Variants in SFRP1 observed in about 807,000 individuals in gnomAD.
The protein encoded by SFRP1 is secreted frizzled related protein 1.
Under a neutral mutation model 25.9 loss-of-function variants are expected in SFRP1, and 9 were observed. That is an observed-to-expected ratio of 0.35 (90% CI 0.21 to 0.61). SFRP1 has a LOEUF of 0.61. SFRP1 is among the 20% of genes least tolerant of loss of function. SFRP1 has a pLI of 0.78. For missense variants in SFRP1, 346 were observed against 418.2 expected, an observed-to-expected ratio of 0.83 and a Z score of 1.51; for synonymous variants, 178 against 174.0, an observed-to-expected ratio of 1.02 and a Z score of -0.18.
intron 1 of SFRP1, among the ~76,000 whole-genome samples, chr8:41,308,174 T>A (rs1434425575): frequency 2.6e-5 from 4 of 152,248 alleles, no homozygotes; most frequent in African/African-American, 9.6e-5. Flanking sequence ...CTTTCTGAAC[T>A]TTCTACGCTT....
At chr8:41,302,081 AAG>A (rs1803927702) in intron 2 of SFRP1, among the ~76,000 whole-genome samples, 2 of 152,238 alleles carry the variant, frequency 1.3e-5, no homozygotes, top group African/African-American at 4.8e-5. Flanking sequence ...TATTTAGAGG[AAG>A]AGTTCCACCC....
At chr8:41,300,379 C>T (rs567092951) in intron 2 of SFRP1, among the ~76,000 whole-genome samples, 1 of 152,268 alleles carries the variant, frequency 6.6e-6, no homozygotes, top group East Asian at 1.9e-4. Flanking sequence ...AAATCCTTTT[C>T]CATAGGGAGA....
chr8:41,303,794 G>C (rs1040807494), intron 1 of SFRP1, among the ~76,000 whole-genome samples: 15 of 152,300 alleles, frequency 9.8e-5, no homozygotes, highest in Admixed American at 2.6e-4. Flanking sequence ...ATAACCTGAG[G>C]CTGGGTGGGT....
chr8:41,293,188 A>T (rs926687133), intron 2 of SFRP1, among the ~76,000 whole-genome samples: 1 of 152,162 alleles, frequency 6.6e-6, no homozygotes, highest in Non-Finnish European at 1.5e-5. Context: ...CCACAACCAC[A>T]TGAGGGACCC....
At chr8:41,299,092 AC>A (rs1318843459) in intron 2 of SFRP1, among the ~76,000 whole-genome samples, 1 of 148,930 alleles carries the variant, frequency 6.7e-6, no homozygotes, top group Non-Finnish European at 1.5e-5. Context: ...TTCACCGCCT[AC>A]CCCCCCAACC....
chr8:41,302,415 C>CT (rs1803934330), intron 2 of SFRP1, among the ~76,000 whole-genome samples: 1 of 152,212 alleles, frequency 6.6e-6, no homozygotes, highest in South Asian at 2.1e-4. Context: ...CTTCCGTGTA[C>CT]TTTACCATGT....
At chr8:41,278,550 CCAGTAGAG>C (rs1388112062) in intron 2 of SFRP1, among the ~76,000 whole-genome samples, 1 of 152,212 alleles carries the variant, frequency 6.6e-6, no homozygotes, top group Non-Finnish European at 1.5e-5. Flanking sequence ...TCTTTGAAAT[CCAGTAGAG>C]AAGCCCAGAC....
chr8:41,297,705 G>A (rs766525627), intron 2 of SFRP1, among the ~76,000 whole-genome samples: 17 of 151,978 alleles, frequency 1.1e-4, no homozygotes, highest in Non-Finnish European at 1.8e-4. Context: ...TGGTCGCTTA[G>A]CTTATAGGGT....
In SFRP1 at chr8:41,265,111, G is replaced by C; in HGVS notation, c.*56C>G. On this transcript the variant is annotated 3_prime_UTR_variant, in exon 3 of 3. Coordinates refer to ENST00000220772, the MANE Select transcript of SFRP1 (RefSeq NM_003012.5). Reference sequence around the variant, plus strand: ...TGACCCACCGGGTTCCCGGGGCACTGTCCCCCCCGCTCCCACCCCACCCGA... The same window carrying C: ...TGACCCACCGGGTTCCCGGGGCACTCTCCCCCCCGCTCCCACCCCACCCGA... The C allele has an allele frequency of 1.7e-6, 1 of 590,118 alleles. No individual in the cohort carries two copies. The highest frequency in any genetic ancestry group is 1.8e-5 in the South Asian group (1 of 54,274). The allele number at this position is 590,118 out of a possible 1,614,324, so 36.6% of individuals were successfully genotyped here.
At chr8:41,282,699 T>C (rs1803651224) in intron 2 of SFRP1, among the ~76,000 whole-genome samples, 1 of 152,164 alleles carries the variant, frequency 6.6e-6, no homozygotes, top group African/African-American at 2.4e-5. Context: ...TTTTTTATTT[T>C]ATACAATGTG....
chr8:41,305,796 G>A (rs2117522575), intron 1 of SFRP1, among the ~76,000 whole-genome samples: 1 of 152,304 alleles, frequency 6.6e-6, no homozygotes, highest in Non-Finnish European at 1.5e-5. Context: ...ACACACACAA[G>A]TGCTTTCTCA....
chr8:41,306,758 C>A, intron 1 of SFRP1: 1 of 1,597,962 alleles, frequency 6.3e-7, no homozygotes, highest in Non-Finnish European at 8.5e-7. Context: ...TGAGTGAGGA[C>A]GGTTCCAAGC....
intron 2 of SFRP1, among the ~76,000 whole-genome samples, chr8:41,294,973 G>A (rs1360266683): frequency 6.6e-6 from 1 of 152,162 alleles, no homozygotes; most frequent in Non-Finnish European, 1.5e-5. Context: ...GAACCCCAAG[G>A]CTAGTGTGAT....
rs1169461095 is a variant in SFRP1, at chr8:41,263,355, A to G, written c.*1812T>C. Reference sequence around the variant, plus strand: ...ACGATGAAAGGTCAGAGAGAACCCCACAAAAAAGGTGTTAAAAGGACAGGA... The same window carrying G: ...ACGATGAAAGGTCAGAGAGAACCCCGCAAAAAAGGTGTTAAAAGGACAGGA... On this transcript the variant is annotated 3_prime_UTR_variant, in exon 3 of 3. Coordinates refer to ENST00000220772, the MANE Select transcript of SFRP1 (RefSeq NM_003012.5). 4.6e-5 allele frequency: 7 copies of G among 152,446 alleles called. No individual in the cohort carries two copies. Among genetic ancestry groups the G allele is most frequent in the Non-Finnish European group, 1.0e-4 (7 of 68,052 alleles). 9.4% of individuals were successfully genotyped at this position (152,446 alleles called of 1,614,324 possible).
chr8:41,280,620 C>A (rs147548075), intron 2 of SFRP1, among the ~76,000 whole-genome samples: 2 of 152,178 alleles, frequency 1.3e-5, no homozygotes, highest in African/African-American at 2.4e-5. Context: ...AAAACCCATA[C>A]GACCCCAACT....
At chr8:41,282,181 C>G (rs1383402853) in intron 2 of SFRP1, among the ~76,000 whole-genome samples, 2 of 152,348 alleles carry the variant, frequency 1.3e-5, no homozygotes, top group African/African-American at 4.8e-5. Flanking sequence ...CCAAGGTGTT[C>G]AGATGTGTGC....
chr8:41,279,792 C>A (rs1202778885), intron 2 of SFRP1, among the ~76,000 whole-genome samples: 1 of 143,756 alleles, frequency 7.0e-6, no homozygotes, highest in African/African-American at 2.8e-5. Context: ...AAAAAAAAAC[C>A]TATGTCCAAA....
chr8:41,284,715 G>C (rs551503773), intron 2 of SFRP1, among the ~76,000 whole-genome samples: 1 of 152,208 alleles, frequency 6.6e-6, no homozygotes, highest in Non-Finnish European at 1.5e-5. Context: ...TAGGGGGAGG[G>C]GTCTCCCCTG....
Position 41,289,212 on chromosome 8 carries a change from C to T in SFRP1, c.622+14249G>A, listed in dbSNP as rs540596555. 2.0e-5 allele frequency among the ~76,000 whole-genome samples: 3 copies of T among 152,322 alleles called. No homozygotes were observed. In the South Asian group the frequency reaches 6.2e-4, roughly 32 times the overall value. On this transcript the variant is annotated intron_variant, in intron 2 of 2. Transcript: ENST00000220772. ...AAGATATCACACCTAGAGAGCAAGT[C>T]ACAGAGTTTTTGCCACAGACCAAAA...
Sources: gnomAD v4.1 joint callset for allele counts (sites outside exome capture counted in the v4.1 genomes callset) on GRCh38, gnomAD v4.1.1 for gene constraint, MANE v1.5 for transcripts, NCBI Gene and HGNC (gene_info 2026-07-23, HGNC 2026-07-21) for gene names.